The following CALD1 variants were observed in gnomAD, a reference collection of about 807,000 sequenced individuals.
CALD1 encodes caldesmon.
Under a neutral mutation model 99.9 loss-of-function variants are expected in CALD1, and 33 were observed. The ratio of observed to expected loss-of-function variants is 0.33; its 90% CI spans 0.25 to 0.44. CALD1 has a LOEUF of 0.44. CALD1 is among the 20% of genes least tolerant of loss of function. CALD1 has a pLI of 1.00. For missense variants in CALD1, 861 were observed against 962.1 expected (o/e 0.89, Z 1.39); for synonymous variants, 310 against 325.0 (o/e 0.95, Z 0.50).
chr7:134,752,275 G>A (rs950150565), intron 1 of CALD1, among the ~76,000 whole-genome samples: 4 of 152,046 alleles, frequency 2.6e-5, no homozygotes, highest in Admixed American at 6.5e-5. Flanking sequence ...GGAAGCTTTC[G>A]GCCTGATGCC....
chr7:134,808,680 AC>A (rs1323823234), intron 1 of CALD1, among the ~76,000 whole-genome samples: 1 of 152,130 alleles, frequency 6.6e-6, no homozygotes, highest in Non-Finnish European at 1.5e-5. Context: ...TATATTGAAC[AC>A]CCACTCATTT....
chr7:134,754,465 T>C (rs191635180), intron 1 of CALD1, among the ~76,000 whole-genome samples: 1 of 152,310 alleles, frequency 6.6e-6, no homozygotes, highest in African/African-American at 2.4e-5. Context: ...ATAATACATA[T>C]GCTCTAATTT....
chr7:134,856,271 G>A (rs1442616275), intron 2 of CALD1, among the ~76,000 whole-genome samples: 1 of 152,204 alleles, frequency 6.6e-6, no homozygotes, highest in East Asian at 1.9e-4. Context: ...GAAGTTTCTA[G>A]TTTTTCCAGG....
At chr7:134,913,098 C>T (rs1420131315) in intron 3 of CALD1, among the ~76,000 whole-genome samples, 1 of 152,096 alleles carries the variant, frequency 6.6e-6, no homozygotes, top group Non-Finnish European at 1.5e-5. Context: ...AACCCCGTCT[C>T]TACTAAAAAA....
intron 1 of CALD1, among the ~76,000 whole-genome samples, chr7:134,784,899 T>C (rs892677572): frequency 6.6e-6 from 1 of 152,198 alleles, no homozygotes; most frequent in Non-Finnish European, 1.5e-5. Context: ...AAATTTCTTC[T>C]GTGTTTCCAG....
chr7:134,927,257 A>T, intron 3 of CALD1, among the ~76,000 whole-genome samples: 1 of 152,196 alleles, frequency 6.6e-6, no homozygotes, highest in Non-Finnish European at 1.5e-5. Context: ...TAGGAGAAAC[A>T]TATCTAGCAT....
At chr7:134,721,083 G>A in the CALD1 span, among the ~76,000 whole-genome samples, 4 of 152,106 alleles carry the variant, frequency 2.6e-5, no homozygotes, top group Admixed American at 6.5e-5. Context: ...ACAGCCTGGG[G>A]CTGTTCCTGA....
At chr7:134,907,712 T>C (rs149566380) in intron 3 of CALD1, among the ~76,000 whole-genome samples, 2 of 152,304 alleles carry the variant, frequency 1.3e-5, no homozygotes, top group East Asian at 1.9e-4. Flanking sequence ...CTACCCCAAA[T>C]GGATTCTCCT....
intron 1 of CALD1, among the ~76,000 whole-genome samples, chr7:134,803,343 T>C (rs1798016192): frequency 6.6e-6 from 1 of 152,272 alleles, no homozygotes; most frequent in East Asian, 1.9e-4. Context: ...TTTCATTTCC[T>C]TGATGCTGTA....
At chr7:134,775,265 T>C (rs1314759186), upstream of CALD1, among the ~76,000 whole-genome samples, 1 of 152,246 alleles carries the variant, frequency 6.6e-6, no homozygotes, top group Admixed American at 6.5e-5. Flanking sequence ...ATTCTATTGA[T>C]CTATTTGTTT....
rs141495775 is a variant in CALD1, at chr7:134,949,162, T to C, written c.1795-1212T>C. On this transcript the variant is annotated intron_variant, in intron 8 of 14. Transcript: ENST00000361675. ...GGTATCATTATTGCCATCATTGTTA[T>C]TATGATTATTATTCAGAGGAGGAGA... Among the ~76,000 whole-genome samples, 1,310 of 152,326 alleles carry C rather than the reference T, an allele frequency of 8.6e-3. 20 individuals carry two copies. The highest frequency in any genetic ancestry group is 0.03 in the African/African-American group (1,242 of 41,572).
At chr7:134,837,057 A>G (rs1799471854) in intron 1 of CALD1, among the ~76,000 whole-genome samples, 1 of 151,718 alleles carries the variant, frequency 6.6e-6, no homozygotes, top group Non-Finnish European at 1.5e-5. Flanking sequence ...TAATTTTACC[A>G]TATGGGCTTC....
At chr7:134,845,821 C>A (rs1799828735) in intron 2 of CALD1, among the ~76,000 whole-genome samples, 1 of 152,192 alleles carries the variant, frequency 6.6e-6, no homozygotes, top group Non-Finnish European at 1.5e-5. Context: ...GGAGAAGGAC[C>A]CGTCCAAGAG....
upstream of CALD1, among the ~76,000 whole-genome samples, chr7:134,741,785 C>T (rs1270382092): frequency 2.0e-5 from 3 of 152,110 alleles, no homozygotes; most frequent in Non-Finnish European, 4.4e-5. Context: ...TCCAAATTGC[C>T]TTGTGAATTA....
chr7:134,932,744 C>T (rs1245921375), intron 4 of CALD1, among the ~76,000 whole-genome samples: 1 of 152,120 alleles, frequency 6.6e-6, no homozygotes, highest in East Asian at 1.9e-4. Flanking sequence ...AAACTGCTCC[C>T]AGGGGACATT....
intron 3 of CALD1, among the ~76,000 whole-genome samples, chr7:134,924,485 C>T (rs974124682): frequency 4.6e-5 from 7 of 151,932 alleles, no homozygotes; most frequent in Non-Finnish European, 5.9e-5. Context: ...GCTTGCCTAA[C>T]GCTAATGTAG....
In CALD1 at chr7:134,920,601, GA is replaced by G. The variant is rs1311450415; in HGVS notation, c.72-8150del. On this transcript the variant is annotated intron_variant, in intron 3 of 14. Transcript: ENST00000361675. The stretch of plus-strand genomic sequence containing the variant: ...GATTGAGTATCTCAGTTACCAGCCT[GA>G]AATCTCCATCGACCAACACTGCCTT... The G allele has an allele frequency of 2.3e-6, 3 of 1,288,902 alleles. No individual in the cohort carries two copies. The African/African-American group carries it at 4.6e-5, about 20-fold the overall frequency. The allele number at this position is 1,288,902 out of a possible 1,614,324, so 79.8% of individuals were successfully genotyped here. A position where few individuals can be genotyped will look rare whatever the true frequency, so the allele number is the denominator to read the frequency against.
chr7:134,808,758 T>C lies in CALD1; in HGVS notation c.-130+29009T>C, dbSNP rs898058814. ...CAGACCTTCAGGATTTAGAGAATGA[T>C]ATTGAAAACATCAATCTTAGGCTTT... On this transcript the variant is annotated intron_variant, in intron 1 of 14. Transcript: ENST00000361675. Among the ~76,000 whole-genome samples the C allele has an allele frequency of 2.6e-5, 4 of 152,250 alleles. No homozygotes were observed. The South Asian group carries it at 6.2e-4, about 24-fold the overall frequency.
chr7:134,867,979 AAAAC>A lies in CALD1; in HGVS notation c.71+182_71+185del, dbSNP rs534693976. 1,114 of 426,296 alleles carry A rather than the reference AAAAC, an allele frequency of 2.6e-3. 7 individuals are homozygous for A. The highest frequency in any genetic ancestry group is 1.5e-3 in the Non-Finnish European group (356 of 231,404). The allele number at this position is 426,296 out of a possible 1,614,324, so 26.4% of individuals were successfully genotyped here. A position where few individuals can be genotyped will look rare whatever the true frequency, so the allele number is the denominator to read the frequency against. On this transcript the variant is annotated intron_variant, in intron 3 of 14. Coordinates refer to ENST00000361675, the MANE Select transcript of CALD1 (RefSeq NM_033138.4). ...CTCTAAATTAAGCATTTAAAAAAGGAAAACAAACAAGAATCAAGAAAAAGAGAGA... is the reference window on the plus strand; with the variant it reads ...CTCTAAATTAAGCATTTAAAAAAGGAAAACAAGAATCAAGAAAAAGAGAGA...
Sources: allele counts gnomAD v4.1 joint callset (sites outside exome capture counted in the v4.1 genomes callset), GRCh38; gene constraint gnomAD v4.1.1; transcripts MANE v1.5; gene names NCBI Gene and HGNC (gene_info 2026-07-23, HGNC 2026-07-21).